CTNNA3: variants seen among roughly 807,000 people sequenced by gnomAD.
CTNNA3 encodes the protein catenin alpha 3, also known as catenin alpha-3.
In CTNNA3, 76 loss-of-function variants were observed where a neutral mutation model predicts 95.7. The ratio of observed to expected loss-of-function variants is 0.79; its 90% CI spans 0.66 to 0.96. The LOEUF (loss-of-function observed/expected upper bound fraction) is 0.96, where lower values mean the gene tolerates loss of function less well. CTNNA3 is among the 40% of genes least tolerant of loss of function. CTNNA3 has a pLI of 0.00. For missense variants in CTNNA3, 1,191 were observed against 1,089.8 expected (o/e 1.09, Z -1.31); for synonymous variants, 431 against 374.4 (o/e 1.15, Z -1.74).
chr10:66,338,206 C>T (rs57750876), intron 12 of CTNNA3, among the ~76,000 whole-genome samples: 1 of 151,814 alleles, frequency 6.6e-6, no homozygotes, highest in Admixed American at 6.6e-5. Context: ...CACAAAGGAC[C>T]ACATGTTGCA....
At chr10:66,026,366 C>T (rs1942007) in intron 15 of CTNNA3, among the ~76,000 whole-genome samples, 86,147 of 151,892 alleles carry the variant, frequency 0.57, 24,626 homozygotes, top group South Asian at 0.73. Context: ...AACTGAGTTC[C>T]ATCACTCCTA....
At chr10:67,042,133 T>G (rs1301574071) in intron 7 of CTNNA3, among the ~76,000 whole-genome samples, 1 of 152,162 alleles carries the variant, frequency 6.6e-6, no homozygotes, top group Non-Finnish European at 1.5e-5. Context: ...AGAGGATTTT[T>G]GGACAGAAAT....
chr10:66,013,537 A>G (rs1184089542), intron 15 of CTNNA3, among the ~76,000 whole-genome samples: 2 of 152,202 alleles, frequency 1.3e-5, no homozygotes, highest in African/African-American at 4.8e-5. Context: ...ATCACACACT[A>G]GTATTTTGCT....
intron 5 of CTNNA3, among the ~76,000 whole-genome samples, chr10:67,250,133 G>A (rs909657454): frequency 6.6e-6 from 1 of 152,040 alleles, no homozygotes; most frequent in African/African-American, 2.4e-5. Context: ...GAGCTGCACA[G>A]GTCCACTTAC....
intron 13 of CTNNA3, among the ~76,000 whole-genome samples, chr10:66,212,991 A>G (rs1210391193): frequency 6.6e-6 from 1 of 152,198 alleles, no homozygotes; most frequent in East Asian, 1.9e-4. Flanking sequence ...ACTAGAGCCT[A>G]GGTGGTAGAG....
At chr10:66,116,163 G>T (rs866299428) in intron 13 of CTNNA3, among the ~76,000 whole-genome samples, 2 of 152,178 alleles carry the variant, frequency 1.3e-5, no homozygotes, top group Non-Finnish European at 2.9e-5. Flanking sequence ...ATACATCATT[G>T]TATAAGATGT....
intron 5 of CTNNA3, among the ~76,000 whole-genome samples, chr10:67,493,561 C>CAAAAAAAAAA (rs61570165): frequency 0.03 from 2,819 of 93,566 alleles, 63 homozygotes; most frequent in African/African-American, 0.047. Context: ...GACTCTGTCT[C>CAAAAAAAAAA]AAAAAAAAAA....
chr10:67,466,941 G>A (rs964364890), intron 5 of CTNNA3, among the ~76,000 whole-genome samples: 36 of 152,094 alleles, frequency 2.4e-4, no homozygotes, highest in African/African-American at 8.5e-4. Flanking sequence ...GTGGAATAAC[G>A]AGGGAGCAGA....
At chr10:66,505,587 C>T (rs532108785) in intron 11 of CTNNA3, among the ~76,000 whole-genome samples, 23 of 152,150 alleles carry the variant, frequency 1.5e-4, no homozygotes, top group African/African-American at 4.6e-4. Flanking sequence ...CTTCTTTTCT[C>T]GGTAAATGGA....
chr10:67,607,349 A>C (rs1225977834), intron 2 of CTNNA3, among the ~76,000 whole-genome samples: 2 of 149,010 alleles, frequency 1.3e-5, no homozygotes, highest in South Asian at 2.1e-4. Flanking sequence ...TAGAGAGACG[A>C]TAGTGTTATT....
intron 1 of CTNNA3, among the ~76,000 whole-genome samples, chr10:67,656,200 A>T (rs148901976): frequency 6.6e-6 from 1 of 152,234 alleles, no homozygotes; most frequent in African/African-American, 2.4e-5. Context: ...CTTGGTAAAC[A>T]AAAGGATCTG....
At chr10:66,549,803 T>G (rs1842159321) in intron 10 of CTNNA3, among the ~76,000 whole-genome samples, 1 of 152,224 alleles carries the variant, frequency 6.6e-6, no homozygotes, top group African/African-American at 2.4e-5. Flanking sequence ...TCTACTTTGA[T>G]TTCTACTTTA....
At chr10:65,964,706 G>A (rs374808254) in intron 17 of CTNNA3, among the ~76,000 whole-genome samples, 11 of 152,190 alleles carry the variant, frequency 7.2e-5, no homozygotes, top group African/African-American at 1.9e-4. Flanking sequence ...TACAAAGCAC[G>A]ATTAGTGTGT....
intron 5 of CTNNA3, among the ~76,000 whole-genome samples, chr10:67,304,570 G>C (rs1370605917): frequency 6.6e-6 from 1 of 152,056 alleles, no homozygotes; most frequent in Admixed American, 6.5e-5. Flanking sequence ...TGAAATGAAA[G>C]AAATCTATTT....
chr10:66,534,105 G>A lies in CTNNA3; in HGVS notation c.1375-13332C>T, dbSNP rs141902979. Among the ~76,000 whole-genome samples, 1,287 of 152,192 alleles carry A rather than the reference G, an allele frequency of 8.5e-3. 20 individuals carry two copies. Among genetic ancestry groups the A allele is most frequent in the African/African-American group, 0.029 (1,220 of 41,496 alleles). ...TTGATCCATCCTGTGCTCAACTCTA[G>A]TGAGTCTCGAGTTAGCAAAAGGTAA... On this transcript the variant is annotated intron_variant, in intron 10 of 17. Coordinates refer to ENST00000433211, the MANE Select transcript of CTNNA3 (RefSeq NM_013266.4).
chr10:67,409,528 T>C (rs1845284211), intron 5 of CTNNA3, among the ~76,000 whole-genome samples: 1 of 150,710 alleles, frequency 6.6e-6, no homozygotes, highest in Non-Finnish European at 1.5e-5. Flanking sequence ...AAGTGGGAGG[T>C]GAATGATGAG....
chr10:67,351,675 T>G (rs1263322256), intron 5 of CTNNA3, among the ~76,000 whole-genome samples: 1 of 151,956 alleles, frequency 6.6e-6, no homozygotes, highest in African/African-American at 2.4e-5. Context: ...GCAAAGTTAT[T>G]TTTCTGAGAG....
At chr10:66,267,370 A>T (rs1190416495) in intron 13 of CTNNA3, among the ~76,000 whole-genome samples, 1 of 152,088 alleles carries the variant, frequency 6.6e-6, no homozygotes, top group African/African-American at 2.4e-5. Flanking sequence ...CTCTTGACTC[A>T]TTCATCAAAG....
At chr10:67,004,746 T>G (rs1851877153) in intron 7 of CTNNA3, among the ~76,000 whole-genome samples, 1 of 152,222 alleles carries the variant, frequency 6.6e-6, no homozygotes, top group South Asian at 2.1e-4. Context: ...TCATGTCAAT[T>G]ATTTGCTATT....
Sources: gnomAD v4.1 joint callset for allele counts (sites outside exome capture counted in the v4.1 genomes callset) on GRCh38, gnomAD v4.1.1 for gene constraint, MANE v1.5 for transcripts, NCBI Gene and HGNC (gene_info 2026-07-23, HGNC 2026-07-21) for gene names.